Variants in RALGAPA2 observed in about 807,000 individuals in gnomAD.
RALGAPA2 encodes the protein Ral GTPase activating protein catalytic subunit alpha 2.
A neutral mutation model predicts 230.4 loss-of-function variants in RALGAPA2; 139 were observed. The observed-to-expected ratio is 0.60, with a 90% CI of 0.53 to 0.69. RALGAPA2 has a LOEUF of 0.69. RALGAPA2 is among the 30% of genes least tolerant of loss of function. The probability of loss-of-function intolerance (pLI) is 0.00; values close to 1 mark genes in which losing one functional copy is unlikely to be tolerated. For missense variants in RALGAPA2, 2,163 were observed against 2,276.0 expected, an observed-to-expected ratio of 0.95 and a Z score of 1.01; for synonymous variants, 847 against 837.8, an observed-to-expected ratio of 1.01 and a Z score of -0.19.
intron 2 of RALGAPA2, among the ~76,000 whole-genome samples, chr20:20,677,047 ATCAT>A (rs10601305): frequency 0.082 from 12,472 of 152,168 alleles, 729 homozygotes; most frequent in East Asian, 0.16. Context: ...TGAAGTAGAT[ATCAT>A]TCATTCATTC....
intron 16 of RALGAPA2, among the ~76,000 whole-genome samples, chr20:20,593,816 T>C (rs1455678556): frequency 2.0e-5 from 3 of 152,202 alleles, no homozygotes; most frequent in African/African-American, 7.2e-5. Context: ...GGATGCAATA[T>C]AGCCACAGCA....
intron 10 of RALGAPA2, among the ~76,000 whole-genome samples, chr20:20,622,790 A>G (rs1057450352): frequency 2.0e-5 from 3 of 152,160 alleles, no homozygotes; most frequent in African/African-American, 7.2e-5. Flanking sequence ...AATGAACAAA[A>G]CATATATATG....
Position 20,497,251 on chromosome 20 carries a change from A to C in RALGAPA2, c.5209-1976T>G, listed in dbSNP as rs1371698643. Among the ~76,000 whole-genome samples the C allele has an allele frequency of 2.0e-5, 3 of 152,338 alleles. No homozygotes were observed. The South Asian group carries it at 6.2e-4, about 32-fold the overall frequency. On this transcript the variant is annotated intron_variant, in intron 35 of 39. Transcript: ENST00000202677. ...TTAATAAAACATGCAAAGACATTAC[A>C]ATACACTCCTAAAATTCAGTCCTTT...
At position 20,677,629 on chromosome 20, in the gene RALGAPA2, ATTTTTTTTTTTTTTTT is replaced by A. The variant is rs758379115; in HGVS notation, c.218-1357_218-1342del. ...GCAGCCAAGAATCATGATTTGACCC[ATTTTTTTTTTTTTTTT>A]TTTTTTTTTTTTTTTTGAGATGGAG... On this transcript the variant is annotated intron_variant, in intron 2 of 39. Transcript: ENST00000202677. Among the ~76,000 whole-genome samples, 20 of 64,312 alleles carry A rather than the reference ATTTTTTTTTTTTTTTT, an allele frequency of 3.1e-4. 1 individual carries two copies. Among genetic ancestry groups the A allele is most frequent in the Admixed American group, 1.1e-3 (6 of 5,676 alleles). The allele number at this position is 64,312 out of a possible 152,430, so 42.2% of individuals were successfully genotyped here.
chr20:20,461,559 C>A (rs1336263097), intron 37 of RALGAPA2, among the ~76,000 whole-genome samples: 1 of 152,194 alleles, frequency 6.6e-6, no homozygotes, highest in East Asian at 1.9e-4. Flanking sequence ...TCTCCATCAG[C>A]TCTACGCCTT....
At position 20,511,307 on chromosome 20, in the gene RALGAPA2, C is replaced by T; in HGVS notation, c.4875G>A (p.Leu1625=). 6.4e-7 allele frequency: 1 copy of T among 1,559,224 alleles called. No homozygotes were observed. The highest frequency in any genetic ancestry group is 8.7e-7 in the Non-Finnish European group (1 of 1,151,200). The change falls in exon 33 of 40, where the codon TTG becomes TTA. Residue 1625 remains leucine (L), a synonymous_variant. Transcript: ENST00000202677. ...CTCTCAATAATTTTGAATTTTTCTT[C>T]AATAGATGAAAATTCTTCCTATAAA... ...SWDRRKNFHL[L]KKNSKLLREL...
At chr20:20,565,343 G>A (rs1473548047) in intron 23 of RALGAPA2, among the ~76,000 whole-genome samples, 6 of 152,170 alleles carry the variant, frequency 3.9e-5, no homozygotes, top group Admixed American at 3.3e-4. Flanking sequence ...CTTTGTCTGA[G>A]AAAAGGTGAT....
intron 37 of RALGAPA2, among the ~76,000 whole-genome samples, chr20:20,461,099 C>T (rs989817793): frequency 1.3e-5 from 2 of 152,136 alleles, no homozygotes; most frequent in African/African-American, 4.8e-5. Flanking sequence ...AAGTACAAAA[C>T]CAATCTGTTT....
chr20:20,495,369 C>T (rs2062175831), intron 35 of RALGAPA2, 94 bp from the exon 36 acceptor site: 18 of 1,135,790 alleles, frequency 1.6e-5, no homozygotes, highest in Non-Finnish European at 2.1e-5. Flanking sequence ...ACTCAAAGGC[C>T]AAAAAAATTT....
At chr20:20,611,532 T>C (rs536003436) in intron 13 of RALGAPA2, 106 bp from the exon 14 acceptor site, 12 of 1,464,204 alleles carry the variant, frequency 8.2e-6, no homozygotes, top group Admixed American at 4.3e-5. Flanking sequence ...TTGATAATTA[T>C]GTATTACTCG....
chr20:20,459,382 C>G (rs1163782551), intron 37 of RALGAPA2, among the ~76,000 whole-genome samples: 1 of 150,700 alleles, frequency 6.6e-6, no homozygotes, highest in Non-Finnish European at 1.5e-5. Flanking sequence ...TAAAATAAAT[C>G]AGTATATGCA....
intron 23 of RALGAPA2, 109 bp downstream of exon 23, chr20:20,571,349 G>A (rs1201930647): frequency 5.7e-6 from 7 of 1,223,274 alleles, no homozygotes; most frequent in Non-Finnish European, 5.5e-6. Flanking sequence ...TGAAACTACT[G>A]AGAAATTCAA....
intron 31 of RALGAPA2, 148 bp downstream of exon 31, chr20:20,520,769 G>C (rs1345007222): frequency 1.8e-6 from 1 of 559,558 alleles, no homozygotes; most frequent in East Asian, 3.2e-5. Context: ...GAAGAAACAA[G>C]GAAGGCAGAA....
At chr20:20,466,321 G>A (rs2061421038) in intron 37 of RALGAPA2, among the ~76,000 whole-genome samples, 1 of 152,238 alleles carries the variant, frequency 6.6e-6, no homozygotes, top group African/African-American at 2.4e-5. Context: ...AATGTGAGGA[G>A]GACAACTGCA....
intron 1 of RALGAPA2, among the ~76,000 whole-genome samples, chr20:20,697,020 G>A (rs2069139741): frequency 6.6e-6 from 1 of 152,166 alleles, no homozygotes; most frequent in Non-Finnish European, 1.5e-5. Flanking sequence ...ACAGGCATGA[G>A]CCACTGCACC....
chr20:20,583,222 T>C lies in RALGAPA2; in HGVS notation c.2535A>G (p.Glu845=). Residue 845 remains glutamate (E), a synonymous_variant, in exon 20 of 40, where the codon GAA becomes GAG. Coordinates refer to ENST00000202677, the MANE Select transcript of RALGAPA2 (RefSeq NM_020343.4). The part of the protein sequence containing the change: ...QGKCRERQKS[E]STNSDTTLGC... ...CCAGAGTTGTGTCACTGTTGGTACT[T>C]TCACCTGGTACAATGGAAGAACCAA... 1 of 1,601,586 alleles carries C rather than the reference T, an allele frequency of 6.2e-7. No homozygotes were observed. Among genetic ancestry groups the C allele is most frequent in the Non-Finnish European group, 8.5e-7 (1 of 1,175,054 alleles).
intron 23 of RALGAPA2, among the ~76,000 whole-genome samples, chr20:20,555,394 G>T (rs1304659054): frequency 6.6e-6 from 1 of 152,122 alleles, no homozygotes; most frequent in Non-Finnish European, 1.5e-5. Flanking sequence ...GATGGCTTTG[G>T]TTATTCAAGA....
chr20:20,432,712 T>C (rs1040893336), intron 37 of RALGAPA2, among the ~76,000 whole-genome samples: 4 of 152,174 alleles, frequency 2.6e-5, no homozygotes, highest in African/African-American at 7.2e-5. Flanking sequence ...AAAAACTATT[T>C]ATTTATTTAG....
chr20:20,455,609 G>C (rs1057430275), intron 37 of RALGAPA2, among the ~76,000 whole-genome samples: 2 of 152,194 alleles, frequency 1.3e-5, no homozygotes, highest in African/African-American at 4.8e-5. Flanking sequence ...GTTAAGAAGT[G>C]GTCAGAGAAT....
Sources: allele counts gnomAD v4.1 joint callset (sites outside exome capture counted in the v4.1 genomes callset), GRCh38; gene constraint gnomAD v4.1.1; transcripts MANE v1.5; gene names NCBI Gene and HGNC (gene_info 2026-07-23, HGNC 2026-07-21).